LRRIQ1: variants seen among roughly 807,000 people sequenced by gnomAD.
LRRIQ1 encodes leucine rich repeats and IQ motif containing 1, also known as leucine-rich repeat- and IQ domain-containing protein 1.
A neutral mutation model predicts 211.9 loss-of-function variants in LRRIQ1; 210 were observed. The observed-to-expected ratio is 0.99, with a 90% confidence interval of 0.89 to 1.11. The LOEUF is 1.11. Among genes scored for constraint, LRRIQ1 ranks in the 50% most tolerant of loss-of-function variants. LRRIQ1 has a pLI of 0.00. For missense variants in LRRIQ1, 2,136 were observed against 1,939.5 expected, an observed-to-expected ratio of 1.10 and a Z score of -1.90; for synonymous variants, 699 against 650.1, an observed-to-expected ratio of 1.08 and a Z score of -1.14.
rs977846777 is a variant in LRRIQ1 at position 85,182,787 on chromosome 12, G to GA, written c.4822+22079dup. On this transcript the variant is annotated intron_variant, in intron 24 of 26. Coordinates refer to ENST00000393217, the MANE Select transcript of LRRIQ1 (RefSeq NM_001079910.2). ...TAAACATAAGGGGTTGGATATCTTG[G>GA]AAAAAATCTGTCATGGGTTTGGGTT... Among the ~76,000 whole-genome samples the GA allele has an allele frequency of 5.0e-4, 76 of 152,196 alleles. 1 individual carries two copies. The highest frequency in any genetic ancestry group is 6.8e-3 in the Middle Eastern group (2 of 294).
At chr12:85,239,356 T>TTCACACACACAC in intron 26 of LRRIQ1, among the ~76,000 whole-genome samples, 1 of 145,150 alleles carries the variant, frequency 6.9e-6, no homozygotes, top group South Asian at 2.2e-4. Flanking sequence ...AACTGTTTTA[T>TTCACACACACAC]ACACACACAC....
intron 19 of LRRIQ1, among the ~76,000 whole-genome samples, chr12:85,140,137 A>G (rs146457312): frequency 1.3e-5 from 2 of 151,478 alleles, no homozygotes; most frequent in African/African-American, 4.8e-5. Context: ...ATGTTTTTCA[A>G]AACTGAATTT....
chr12:85,237,014 AG>A (rs1225062769), intron 26 of LRRIQ1, among the ~76,000 whole-genome samples: 3 of 151,578 alleles, frequency 2.0e-5, no homozygotes, highest in Non-Finnish European at 4.4e-5. Context: ...TGCAGGCAAG[AG>A]GAGTAGATTA....
At chr12:85,175,482 G>C (rs1050952680) in intron 24 of LRRIQ1, among the ~76,000 whole-genome samples, 2 of 152,118 alleles carry the variant, frequency 1.3e-5, no homozygotes, top group Admixed American at 1.3e-4. Flanking sequence ...GATATAGGAA[G>C]TAATAAAAAG....
chr12:85,208,340 C>T (rs1186793682), intron 24 of LRRIQ1, among the ~76,000 whole-genome samples: 1 of 151,986 alleles, frequency 6.6e-6, no homozygotes, highest in East Asian at 1.9e-4. Flanking sequence ...CAGGTACCTG[C>T]CAAAAAGCAC....
chr12:85,197,980 TTATATTATATATTATATATAACA>T (rs1565898473), intron 24 of LRRIQ1, among the ~76,000 whole-genome samples: 2 of 104,400 alleles, frequency 1.9e-5, no homozygotes, highest in East Asian at 2.3e-4. Flanking sequence ...ATATATATAA[TTATATTATATATTATATATAACA>T]TATATAATAT....
At chr12:85,184,992 T>A (rs1892161452) in intron 24 of LRRIQ1, among the ~76,000 whole-genome samples, 1 of 151,944 alleles carries the variant, frequency 6.6e-6, no homozygotes, top group African/African-American at 2.4e-5. Flanking sequence ...TTCATAAGGA[T>A]CATATGATTT....
In LRRIQ1 at chr12:85,052,513, T is replaced by C. The variant is rs148327053; in HGVS notation, c.753+262T>C. Among the ~76,000 whole-genome samples, 40 of 152,188 alleles carry C rather than the reference T, an allele frequency of 2.6e-4. No individual in the cohort carries two copies. In the East Asian group the frequency reaches 7.5e-3, roughly 29 times the overall value. On this transcript the variant is annotated intron_variant, in intron 7 of 26. Coordinates refer to ENST00000393217, the MANE Select transcript of LRRIQ1 (RefSeq NM_001079910.2). The stretch of plus-strand genomic sequence containing the variant: ...TTTAAGGTTTGATGAAATGTACCAT[T>C]TTGAATATTTCTTTATGTTCAAAGA...
rs202178126 is a variant in LRRIQ1 at position 85,111,943 on chromosome 12, T to TACACAC, written c.3377+5329_3377+5330insCACACA. On this transcript the variant is annotated intron_variant, in intron 15 of 26. Transcript: ENST00000393217. ...TATGGTATTAGACATTTTATATATA[T>TACACAC]ATACACACACACACACACACACACA... Among the ~76,000 whole-genome samples the TACACAC allele has an allele frequency of 1.1e-3, 153 of 135,382 alleles. 1 individual carries two copies. The highest frequency in any genetic ancestry group is 1.6e-3 in the Admixed American group (21 of 13,510). The allele number at this position is 135,382 out of a possible 152,430, so 88.8% of individuals were successfully genotyped here. A position where few individuals can be genotyped will look rare whatever the true frequency, so the allele number is the denominator to read the frequency against.
At chr12:85,131,467 C>G (rs962419657) in intron 18 of LRRIQ1, among the ~76,000 whole-genome samples, 1 of 152,038 alleles carries the variant, frequency 6.6e-6, no homozygotes, top group East Asian at 1.9e-4. Flanking sequence ...ACTTACCCTA[C>G]CCCACTTAAA....
At chr12:85,049,784 T>A (rs975631880) in intron 6 of LRRIQ1, among the ~76,000 whole-genome samples, 21 of 152,218 alleles carry the variant, frequency 1.4e-4, no homozygotes, top group African/African-American at 4.3e-4. Flanking sequence ...TTGAGGAAGA[T>A]AACCAATGAC....
chr12:85,130,359 G>T (rs1440144319), intron 18 of LRRIQ1, among the ~76,000 whole-genome samples: 1 of 152,116 alleles, frequency 6.6e-6, no homozygotes, highest in East Asian at 1.9e-4. Flanking sequence ...AAGGAATGTA[G>T]ACACCATGCA....
chr12:85,190,193 A>G (rs995744244), intron 24 of LRRIQ1, among the ~76,000 whole-genome samples: 7 of 144,180 alleles, frequency 4.9e-5, no homozygotes, highest in Non-Finnish European at 7.5e-5. Context: ...TAATAATTCA[A>G]TATATTATAA....
At chr12:85,146,498 G>A (rs1432792811) in intron 19 of LRRIQ1, among the ~76,000 whole-genome samples, 1 of 151,758 alleles carries the variant, frequency 6.6e-6, no homozygotes, top group Non-Finnish European at 1.5e-5. Context: ...GGTGCTTGCA[G>A]CAGTTTGGGA....
chr12:85,068,804 C>G (rs986853405), intron 10 of LRRIQ1, among the ~76,000 whole-genome samples: 1 of 149,950 alleles, frequency 6.7e-6, no homozygotes, highest in African/African-American at 2.5e-5. Context: ...TTTTCCCATT[C>G]CGTTGATTTG....
At chr12:85,192,960 A>T (rs865800952) in intron 24 of LRRIQ1, among the ~76,000 whole-genome samples, 1,248 of 87,036 alleles carry the variant, frequency 0.014, 116 homozygotes, top group African/African-American at 0.069. Context: ...ATAATTATAT[A>T]ATATAATTAT....
intron 18 of LRRIQ1, among the ~76,000 whole-genome samples, chr12:85,135,992 A>C (rs1889101935): frequency 6.6e-6 from 1 of 151,992 alleles, no homozygotes; most frequent in South Asian, 2.1e-4. Context: ...TTTAGGAAAA[A>C]AAATATACCA....
intron 13 of LRRIQ1, among the ~76,000 whole-genome samples, chr12:85,099,632 T>C (rs1886187136): frequency 6.6e-6 from 1 of 151,804 alleles, no homozygotes; most frequent in Non-Finnish European, 1.5e-5. Context: ...TTGTAATCCA[T>C]TCACTATAAT....
At chr12:85,042,395 T>C (rs1878994543) in intron 3 of LRRIQ1, among the ~76,000 whole-genome samples, 1 of 148,886 alleles carries the variant, frequency 6.7e-6, no homozygotes, top group South Asian at 2.1e-4. Flanking sequence ...TTAAAATTAT[T>C]AAATTTATCT....
Sources: allele counts gnomAD v4.1 joint callset (sites outside exome capture counted in the v4.1 genomes callset), GRCh38; gene constraint gnomAD v4.1.1; transcripts MANE v1.5; gene names NCBI Gene and HGNC (gene_info 2026-07-23, HGNC 2026-07-21).